Variants in DET1 observed in about 807,000 individuals in gnomAD.
The protein encoded by DET1 is DET1 homolog.
A neutral mutation model predicts 43.7 loss-of-function variants in DET1; 22 were observed. The observed-to-expected ratio is 0.50, with a 90% CI of 0.36 to 0.72. DET1 has a LOEUF of 0.72. Among genes scored for constraint, DET1 ranks in the 30% least tolerant of loss-of-function variants. The pLI, the probability that DET1 is intolerant of heterozygous loss-of-function variation, is 0.00. For synonymous variants in DET1, 315 were observed against 266.2 expected (o/e 1.18, Z -1.79); for missense variants, 713 against 713.3 (o/e 1.00, Z 0.00).
intron 1 of DET1, chr15:88,536,457 A>G: frequency 1.5e-6 from 1 of 646,792 alleles, no homozygotes; most frequent in East Asian, 2.8e-5. Context: ...TGAGCCTTGA[A>G]GAATAAGAAT....
At chr15:88,525,160 A>G (rs963776352) in intron 3 of DET1, among the ~76,000 whole-genome samples, 5 of 152,202 alleles carry the variant, frequency 3.3e-5, no homozygotes, top group Non-Finnish European at 1.5e-5. Context: ...TGAATACCAA[A>G]TTACTACGGT....
chr15:88,527,345 T>G (rs933037380), intron 3 of DET1, among the ~76,000 whole-genome samples: 1 of 152,336 alleles, frequency 6.6e-6, no homozygotes, highest in Admixed American at 6.5e-5. Context: ...ACTGAAGATA[T>G]AGCAATACAT....
chr15:88,528,917 T>C (rs1288503156), intron 2 of DET1, among the ~76,000 whole-genome samples: 1 of 152,222 alleles, frequency 6.6e-6, no homozygotes, highest in Non-Finnish European at 1.5e-5. Flanking sequence ...AGAATAGTAC[T>C]CATAATATTA....
At position 88,522,785 on chromosome 15, in the gene DET1, T is replaced by C. The variant is rs143185256; in HGVS notation, c.1271+4814A>G. ...CGCCTGCCTCAGCTTCCCAAAGTGCTGGGATTACAGGCATGAGCCACCGCG... is the reference window on the plus strand; with the variant it reads ...CGCCTGCCTCAGCTTCCCAAAGTGCCGGGATTACAGGCATGAGCCACCGCG... On this transcript the variant is annotated intron_variant, in intron 3 of 4. Coordinates refer to ENST00000268148, the MANE Select transcript of DET1 (RefSeq NM_001144074.3). 5.5e-3 allele frequency among the ~76,000 whole-genome samples: 829 copies of C among 152,054 alleles called. 10 individuals are homozygous for C. The highest frequency in any genetic ancestry group is 0.019 in the African/African-American group (785 of 41,500).
rs755615360 is a variant in DET1, at chr15:88,531,330, C to T, written c.376G>A (p.Val126Ile). The T allele has an allele frequency of 1.9e-6, 3 of 1,613,950 alleles. No individual in the cohort carries two copies. Among genetic ancestry groups the T allele is most frequent in the East Asian group, 4.5e-5 (2 of 44,868 alleles). The change falls in exon 2 of 5, where the codon GTC becomes ATC. Residue 126 changes from valine to isoleucine, a missense_variant. Coordinates refer to ENST00000268148, the MANE Select transcript of DET1 (RefSeq NM_001144074.3). This position sits in a 1 kb window ranked among gnomAD's most constrained non-coding sequence, Gnocchi z 6.2. ...GCAACATTGGTAATGTGCAGCAGGA[C>T]AAAAAAGCGTTCAAAGAGCCGGCCC... The part of the protein sequence containing the change: ...IRGRLFERFF[V>I]LLHITNVAAN...
In DET1 at chr15:88,516,827, A is replaced by C; in HGVS notation, c.1418T>G (p.Val473Gly). 1 of 1,609,252 alleles carries C rather than the reference A, an allele frequency of 6.2e-7. No individual in the cohort carries two copies. The highest frequency in any genetic ancestry group is 8.5e-7 in the Non-Finnish European group (1 of 1,178,112). Reference protein sequence around the residue: ...LSLFSYDDKWVSVMERPKTCG... With the variant: ...LSLFSYDDKWGSVMERPKTCG... ...AGTCTTGGGCCGCTCCATGACAGATACCCACTTGTCATCATAACTGAAGAG... is the reference window on the plus strand; with the variant it reads ...AGTCTTGGGCCGCTCCATGACAGATCCCCACTTGTCATCATAACTGAAGAG... Residue 473 changes from valine (V) to glycine (G), a missense_variant, in exon 4 of 5, where the codon GTA becomes GGA. Physicochemically the swap from Val to Gly is moderately radical, Grantham distance 109. Coordinates refer to ENST00000268148, the MANE Select transcript of DET1 (RefSeq NM_001144074.3). The surrounding 1 kb of genome is among the most constrained non-coding windows in gnomAD (Gnocchi z 4.4).
chr15:88,515,128 T>C (rs1567058050), intron 4 of DET1, among the ~76,000 whole-genome samples: 1 of 152,104 alleles, frequency 6.6e-6, no homozygotes, highest in African/African-American at 2.4e-5. Flanking sequence ...CAGTAAATAC[T>C]ATCCCAGGGA....
intron 3 of DET1, among the ~76,000 whole-genome samples, chr15:88,518,195 G>A (rs1402857897): frequency 6.7e-6 from 1 of 150,214 alleles, no homozygotes; most frequent in East Asian, 2.0e-4. Context: ...ACCCACCTCA[G>A]CCTTCCAAAG....
In DET1 at chr15:88,513,128, C is replaced by T; in HGVS notation, c.1476G>A (p.Arg492=). Residue 492 remains arginine (R), a synonymous_variant, in exon 5 of 5, where the codon CGG becomes CGA. Coordinates refer to ENST00000268148, the MANE Select transcript of DET1 (RefSeq NM_001144074.3). ...TCTCAAACTTGAGCAGGCCCGAGTC[C>T]CGGGCATAGAACCTAAAAAGAACAA... is the stretch of plus-strand genomic sequence containing the variant. ...CGDHPIRFYA[R]DSGLLKFEIQ... 6.2e-7 allele frequency: 1 copy of T among 1,610,880 alleles called. No individual in the cohort carries two copies. The highest frequency in any genetic ancestry group is 2.2e-5 in the East Asian group (1 of 44,802).
At chr15:88,512,136 A>G (rs752753998), downstream of DET1, among the ~76,000 whole-genome samples, 8 of 152,136 alleles carry the variant, frequency 5.3e-5, no homozygotes, top group South Asian at 4.1e-4. Flanking sequence ...CACTACCCAA[A>G]TTACAGTACG....
chr15:88,502,533 G>A (rs1265445286), intron 8 of DET1: 1 of 152,176 alleles, frequency 6.6e-6, no homozygotes, highest in Non-Finnish European at 1.5e-5. Flanking sequence ...CAGCAGTGTG[G>A]GGAGCCTTCG....
At chr15:88,512,339 G>A (rs541268902), downstream of DET1, 4 of 985,366 alleles carry the variant, frequency 4.1e-6, no homozygotes, top group East Asian at 2.3e-4. Flanking sequence ...TGTCTTCCCT[G>A]TTGGCACTTA....
intron 1 of DET1, among the ~76,000 whole-genome samples, chr15:88,532,587 T>C (rs1409470256): frequency 6.6e-6 from 1 of 152,184 alleles, no homozygotes; most frequent in Non-Finnish European, 1.5e-5. Flanking sequence ...AAAATTGTGG[T>C]ACTGGATAAA....
intron 1 of DET1, among the ~76,000 whole-genome samples, chr15:88,533,098 A>G (rs921507267): frequency 2.6e-5 from 4 of 152,214 alleles, no homozygotes; most frequent in African/African-American, 9.6e-5. Flanking sequence ...ATAACAAAAA[A>G]TCATATACCC....
rs550939454 is a variant in DET1 at position 88,536,593 on chromosome 15, C to T, written c.-10-4878G>A. Among the ~76,000 whole-genome samples, 8 of 151,986 alleles carry T rather than the reference C, an allele frequency of 5.3e-5. No homozygotes were observed. In the East Asian group the frequency reaches 5.8e-4, roughly 11 times the overall value. ...AGGAGTTCGAGACCAGCCTGGCCAACATAGTGAAACTCCATCTCTACTAAA... is the reference window on the plus strand; with the variant it reads ...AGGAGTTCGAGACCAGCCTGGCCAATATAGTGAAACTCCATCTCTACTAAA... On this transcript the variant is annotated intron_variant, in intron 1 of 4. Transcript: ENST00000268148.
intron 1 of DET1, among the ~76,000 whole-genome samples, chr15:88,535,843 AGGAAGGAAGCAAG>A (rs2056935496): frequency 6.6e-6 from 1 of 152,102 alleles, no homozygotes; most frequent in Admixed American, 6.6e-5. Context: ...GAAGGGAGAG[AGGAAGGAAGCAAG>A]GGAAGGAGGA....
chr15:88,539,373 C>G (rs767878894), intron 1 of DET1, among the ~76,000 whole-genome samples: 1 of 150,986 alleles, frequency 6.6e-6, no homozygotes, highest in African/African-American at 2.4e-5. Context: ...TAAGAGGAGC[C>G]CAAGTCCCCT....
At chr15:88,543,271 A>C (rs973489760) in intron 1 of DET1, among the ~76,000 whole-genome samples, 1 of 152,222 alleles carries the variant, frequency 6.6e-6, no homozygotes, top group African/African-American at 2.4e-5. Context: ...GCCAAGTAGC[A>C]GCTAGAGCAA....
At chr15:88,541,266 TTGTC>T (rs2057098561) in intron 1 of DET1, among the ~76,000 whole-genome samples, 1 of 151,562 alleles carries the variant, frequency 6.6e-6, no homozygotes, top group South Asian at 2.1e-4. Context: ...GTTCACGTGT[TTGTC>T]TGCTGACCCT....
Sources: gnomAD v4.1 joint callset for allele counts (sites outside exome capture counted in the v4.1 genomes callset) on GRCh38, gnomAD v4.1.1 for gene constraint, Gnocchi (gnomAD v3.1) non-coding constraint, MANE v1.5 for transcripts, NCBI Gene and HGNC (gene_info 2026-07-23, HGNC 2026-07-21) for gene names.